Variants in ZNF468 observed in about 807,000 individuals in gnomAD.
The protein encoded by ZNF468 is zinc finger protein ZNF468.
ZNF468 carries 8 observed loss-of-function variants against 7.2 expected under a neutral mutation model. The ratio of observed to expected loss-of-function variants is 1.11; its 90% CI spans 0.65 to 2.01. The LOEUF is 2.01. Ranked by LOEUF, ZNF468 falls within the 30% of genes most tolerant of loss-of-function variation. The pLI, the probability that ZNF468 is intolerant of heterozygous loss-of-function variation, is 0.00. For synonymous variants in ZNF468, 218 were observed against 214.4 expected, an observed-to-expected ratio of 1.02 and a Z score of -0.15; for missense variants, 608 against 626.5, an observed-to-expected ratio of 0.97 and a Z score of 0.31.
intron 2 of ZNF468, 140 bp from the exon 3 acceptor site, chr19:52,849,353 A>G: frequency 6.7e-7 from 1 of 1,494,896 alleles, no homozygotes; most frequent in South Asian, 1.3e-5. Flanking sequence ...ATTTCTCACT[A>G]CATGATGTCT....
chr19:52,849,349 C>T, intron 2 of ZNF468, 136 bp from the exon 3 acceptor site: 3 of 1,519,894 alleles, frequency 2.0e-6, no homozygotes, highest in Non-Finnish European at 2.7e-6. Flanking sequence ...AGGGATTTCT[C>T]ACTACATGAT....
At position 52,849,180 on chromosome 19, in the gene ZNF468, A is replaced by G. The variant is rs1297754127; in HGVS notation, c.49T>C (p.Phe17Leu). 14 of 1,613,824 alleles carry G rather than the reference A, an allele frequency of 8.7e-6. No individual in the cohort carries two copies. Among genetic ancestry groups the G allele is most frequent in the Non-Finnish European group, 1.2e-5 (14 of 1,179,904 alleles). The change falls in exon 3 of 4, where the codon TTC becomes CTC. Residue 17 changes from phenylalanine to leucine, a missense_variant. Transcript: ENST00000595646. ...LLTFRDVAIEFSQEEWKCLDP... is the reference protein window; with the variant it reads ...LLTFRDVAIELSQEEWKCLDP... ...AGGCATTTCCACTCCTCCTGAGAGA[A>G]TTCTATGGCCACGTCCCTGAATGTC...
At chr19:52,856,449 C>T (rs1319451447) in intron 1 of ZNF468, among the ~76,000 whole-genome samples, 2 of 144,776 alleles carry the variant, frequency 1.4e-5, no homozygotes, top group African/African-American at 5.0e-5. Context: ...TCCTCAATCT[C>T]CATAGATTTC....
chr19:52,846,768 G>A (rs757549346), intron 3 of ZNF468, among the ~76,000 whole-genome samples: 4 of 152,214 alleles, frequency 2.6e-5, no homozygotes, highest in Non-Finnish European at 4.4e-5. Flanking sequence ...TTGGGAATCC[G>A]AGGCAGGTGG....
At chr19:52,857,131 AC>A (rs1172568992) in intron 1 of ZNF468, among the ~76,000 whole-genome samples, 4 of 151,326 alleles carry the variant, frequency 2.6e-5, no homozygotes, top group Non-Finnish European at 4.4e-5. Flanking sequence ...GGGAGCGACG[AC>A]GCCTTCGGAC....
rs2063288900 is a variant in ZNF468 at position 52,840,806 on chromosome 19, C to T, written c.1488G>A (p.Lys496=). 1.2e-6 allele frequency: 2 copies of T among 1,608,896 alleles called. No individual in the cohort carries two copies. The highest frequency in any genetic ancestry group is 3.3e-4 in the Middle Eastern group (2 of 6,050). Residue 496 remains lysine, a synonymous_variant, in exon 4 of 4, where the codon AAG becomes AAA. Coordinates refer to ENST00000595646, the MANE Select transcript of ZNF468 (RefSeq NM_001008801.2). ...RRLHTGEKPY[K]CNECGKTFSQ... is the part of the protein sequence containing the mutation. Reference sequence around the variant, plus strand: ...TGAAGGTCTTGCCACACTCATTACACTTGTAAGGTTTCTCTCCAGTATGAA... The same window carrying T: ...TGAAGGTCTTGCCACACTCATTACATTTGTAAGGTTTCTCTCCAGTATGAA...
intron 3 of ZNF468, among the ~76,000 whole-genome samples, chr19:52,842,403 T>C (rs60582014): frequency 0.31 from 46,512 of 151,622 alleles, 7,529 homozygotes; most frequent in South Asian, 0.46. Context: ...CACGTGTGAG[T>C]CTAAAGAAAG....
In ZNF468 at chr19:52,855,072, G is replaced by A. The variant is rs147797524; in HGVS notation, c.-73-727C>T. On this transcript the variant is annotated intron_variant, in intron 1 of 3. Coordinates refer to ENST00000595646, the MANE Select transcript of ZNF468 (RefSeq NM_001008801.2). ...ACACACCTGTAATCTTAGCTACTTG[G>A]GAGGCTGAGGCACAAGAATTGCTTG... Among the ~76,000 whole-genome samples the A allele has an allele frequency of 7.3e-3, 1,108 of 152,128 alleles. 10 individuals are homozygous for A. Among genetic ancestry groups the A allele is most frequent in the African/African-American group, 0.025 (1,057 of 41,494 alleles).
chr19:52,846,900 C>A (rs1294348594), intron 3 of ZNF468, among the ~76,000 whole-genome samples: 1 of 152,038 alleles, frequency 6.6e-6, no homozygotes, highest in African/African-American at 2.4e-5. Flanking sequence ...ACTCAGGAAT[C>A]TGGGGAACAA....
intron 2 of ZNF468, among the ~76,000 whole-genome samples, chr19:52,849,897 C>G (rs987743021): frequency 4.0e-5 from 6 of 151,788 alleles, no homozygotes; most frequent in African/African-American, 7.3e-5. Flanking sequence ...AGCAAGACCC[C>G]GTCTCAAAAT....
chr19:52,856,981 T>A (rs774649906), intron 1 of ZNF468, among the ~76,000 whole-genome samples: 87 of 151,738 alleles, frequency 5.7e-4, no homozygotes, highest in East Asian at 5.2e-3. Flanking sequence ...ATTTTCCAAG[T>A]GCTGGAGCTG....
chr19:52,850,329 G>C lies in ZNF468; in HGVS notation c.16-1116C>G, dbSNP rs139263902. Reference sequence around the variant, plus strand: ...ACTGCCTGACCTGGAGGAATCTTCAGATATCTGTAGTAATGCGGGTGTGCA... The same window carrying C: ...ACTGCCTGACCTGGAGGAATCTTCACATATCTGTAGTAATGCGGGTGTGCA... On this transcript the variant is annotated intron_variant, in intron 2 of 3. Coordinates refer to ENST00000595646, the MANE Select transcript of ZNF468 (RefSeq NM_001008801.2). Among the ~76,000 whole-genome samples the C allele has an allele frequency of 5.2e-3, 798 of 152,174 alleles. 8 individuals carry two copies. Among genetic ancestry groups the C allele is most frequent in the African/African-American group, 0.018 (738 of 41,518 alleles).
chr19:52,842,841 A>AAAGG (rs2063315919), intron 3 of ZNF468, among the ~76,000 whole-genome samples: 1 of 136,246 alleles, frequency 7.3e-6, no homozygotes, highest in African/African-American at 2.8e-5. Flanking sequence ...AAAAAAAAAA[A>AAAGG]GACATGGCAT....
At chr19:52,854,414 A>C in intron 1 of ZNF468, 69 bp from the exon 2 acceptor site, 2 of 1,441,536 alleles carry the variant, frequency 1.4e-6, no homozygotes, top group South Asian at 1.2e-5. Context: ...CAATGACACA[A>C]ACATAGGAGA....
intron 1 of ZNF468, among the ~76,000 whole-genome samples, chr19:52,855,122 G>A (rs772603979): frequency 6.6e-6 from 1 of 151,702 alleles, no homozygotes; most frequent in South Asian, 2.1e-4. Flanking sequence ...AGGTTGCAGT[G>A]AGCCAAGATC....
At chr19:52,851,695 C>T (rs1418846547) in intron 2 of ZNF468, among the ~76,000 whole-genome samples, 1 of 151,828 alleles carries the variant, frequency 6.6e-6, no homozygotes, top group Non-Finnish European at 1.5e-5. Flanking sequence ...GCGCTAAGAT[C>T]ACGCCACTGC....
intron 2 of ZNF468, among the ~76,000 whole-genome samples, chr19:52,852,649 C>T (rs2063399711): frequency 6.6e-6 from 1 of 151,818 alleles, no homozygotes; most frequent in Non-Finnish European, 1.5e-5. Flanking sequence ...GCACTCCAGC[C>T]TGGGTGACAG....
At chr19:52,844,464 T>C (rs2063327716) in intron 3 of ZNF468, among the ~76,000 whole-genome samples, 1 of 152,128 alleles carries the variant, frequency 6.6e-6, no homozygotes, top group Non-Finnish European at 1.5e-5. Flanking sequence ...AGCTACATCC[T>C]TTTTTGTTTG....
chr19:52,857,211 T>C (rs972404409), intron 1 of ZNF468, among the ~76,000 whole-genome samples: 3 of 151,910 alleles, frequency 2.0e-5, no homozygotes, highest in African/African-American at 7.3e-5. Flanking sequence ...CGCCGCGCTG[T>C]GCTCCAGGAA....
Sources: gnomAD v4.1 joint callset for allele counts (sites outside exome capture counted in the v4.1 genomes callset) on GRCh38, gnomAD v4.1.1 for gene constraint, MANE v1.5 for transcripts, NCBI Gene and HGNC (gene_info 2026-07-23, HGNC 2026-07-21) for gene names.